CNTN4: variants seen among roughly 807,000 people sequenced by gnomAD.
CNTN4 encodes contactin 4.
In CNTN4, 77 loss-of-function variants were observed where a neutral mutation model predicts 122.5. The ratio of observed to expected loss-of-function variants is 0.63; its 90% confidence interval spans 0.52 to 0.76. The LOEUF (loss-of-function observed/expected upper bound fraction) is 0.76, where lower values mean the gene tolerates loss of function less well. Among genes scored for constraint, CNTN4 ranks in the 30% least tolerant of loss-of-function variants. The pLI is 0.00. For missense variants in CNTN4, 1,256 were observed against 1,259.1 expected (o/e 1.00, Z 0.04); for synonymous variants, 512 against 447.0 (o/e 1.15, Z -1.83).
chr3:2,467,221 A>C (rs542242611), intron 3 of CNTN4, among the ~76,000 whole-genome samples: 1 of 150,486 alleles, frequency 6.6e-6, no homozygotes, highest in Non-Finnish European at 1.5e-5. Flanking sequence ...TGAGATTCCT[A>C]AATTGGTGCA....
chr3:2,183,557 A>T (rs2037115795), intron 2 of CNTN4, among the ~76,000 whole-genome samples: 1 of 152,176 alleles, frequency 6.6e-6, no homozygotes. Flanking sequence ...ATCTATAAGT[A>T]GATTCATTGT....
chr3:2,714,940 C>G (rs537809222), intron 4 of CNTN4, among the ~76,000 whole-genome samples: 12 of 152,248 alleles, frequency 7.9e-5, no homozygotes, highest in African/African-American at 2.4e-4. Context: ...GGGCAACTTG[C>G]TTTGGAAGGC....
At position 2,270,064 on chromosome 3, in the gene CNTN4, C is replaced by G. The variant is rs2041222318; in HGVS notation, c.-144-69114C>G. Among the ~76,000 whole-genome samples, 2 of 94,548 alleles carry G rather than the reference C, an allele frequency of 2.1e-5. 1 individual carries two copies. Among genetic ancestry groups the G allele is most frequent in the African/African-American group, 6.6e-5 (2 of 30,264 alleles). The allele number at this position is 94,548 out of a possible 152,430, so 62.0% of individuals were successfully genotyped here. ...TCCCGGGTTCACGCCATTCTCCTGCCTCAGCCTCCCCAGTAGCTGGGACTA... is the reference window on the plus strand; with the variant it reads ...TCCCGGGTTCACGCCATTCTCCTGCGTCAGCCTCCCCAGTAGCTGGGACTA... On this transcript the variant is annotated intron_variant, in intron 2 of 24. Transcript: ENST00000418658.
intron 2 of CNTN4, among the ~76,000 whole-genome samples, chr3:2,145,649 T>A (rs1227084082): frequency 6.6e-6 from 1 of 152,250 alleles, no homozygotes; most frequent in Non-Finnish European, 1.5e-5. Context: ...TTATGAAATT[T>A]ACTGGCAGTG....
At chr3:2,860,605 A>G (rs982139393) in intron 7 of CNTN4, among the ~76,000 whole-genome samples, 1 of 152,144 alleles carries the variant, frequency 6.6e-6, no homozygotes, top group South Asian at 2.1e-4. Context: ...TAGAGGTACA[A>G]TATCTCTCCC....
chr3:2,665,018 TAACATCAAAAC>T, intron 4 of CNTN4, among the ~76,000 whole-genome samples: 1 of 152,186 alleles, frequency 6.6e-6, no homozygotes. Context: ...TTCTTCACTC[TAACATCAAAAC>T]AAGGGCTCTC....
chr3:2,837,062 T>G (rs975667987), intron 7 of CNTN4, among the ~76,000 whole-genome samples: 2 of 152,208 alleles, frequency 1.3e-5, no homozygotes, highest in African/African-American at 2.4e-5. Flanking sequence ...TCTACTTTTG[T>G]TATTTGTAAT....
chr3:2,719,328 C>A (rs1474132398), intron 4 of CNTN4, among the ~76,000 whole-genome samples: 1 of 149,878 alleles, frequency 6.7e-6, no homozygotes, highest in African/African-American at 2.5e-5. Flanking sequence ...CAGAGTCTCA[C>A]TCTGTCGCCC....
intron 2 of CNTN4, among the ~76,000 whole-genome samples, chr3:2,330,608 A>G (rs1428858216): frequency 3.1e-5 from 1 of 32,318 alleles, no homozygotes; most frequent in African/African-American, 5.0e-5. Flanking sequence ...TTAATTTTAT[A>G]AGGGAGGCAT....
chr3:2,463,229 T>A (rs181753611), intron 3 of CNTN4, among the ~76,000 whole-genome samples: 3 of 152,190 alleles, frequency 2.0e-5, no homozygotes, highest in African/African-American at 7.2e-5. Context: ...ACACTTGACT[T>A]TAAGACTACT....
At chr3:2,103,181 C>CTT (rs200002968) in intron 2 of CNTN4, among the ~76,000 whole-genome samples, 50 of 141,162 alleles carry the variant, frequency 3.5e-4, no homozygotes, top group Admixed American at 1.2e-3. Flanking sequence ...TTTTTAACAG[C>CTT]TTTTTTTTTT....
chr3:2,099,424 G>C (rs899273011), intron 1 of CNTN4: 1 of 152,534 alleles, frequency 6.6e-6, no homozygotes, highest in African/African-American at 2.4e-5. Context: ...CCGGGTTCCC[G>C]GCGGGGCTTT....
At chr3:2,161,157 C>T in intron 2 of CNTN4, among the ~76,000 whole-genome samples, 1 of 151,732 alleles carries the variant, frequency 6.6e-6, no homozygotes, top group East Asian at 1.9e-4. Context: ...GTACAGGAAG[C>T]AGAAGTCATT....
chr3:2,260,343 C>A (rs2040780433), intron 2 of CNTN4, among the ~76,000 whole-genome samples: 1 of 151,776 alleles, frequency 6.6e-6, no homozygotes, highest in African/African-American at 2.4e-5. Context: ...CAGGCATTAT[C>A]ATTTTTTTTT....
At chr3:2,601,458 A>T (rs570608632) in intron 4 of CNTN4, among the ~76,000 whole-genome samples, 5 of 152,166 alleles carry the variant, frequency 3.3e-5, no homozygotes, top group African/African-American at 1.2e-4. Flanking sequence ...TAAATAGGGA[A>T]TCCTTTCCTC....
intron 2 of CNTN4, among the ~76,000 whole-genome samples, chr3:2,138,013 G>A (rs1032545124): frequency 6.6e-6 from 1 of 152,014 alleles, no homozygotes; most frequent in Non-Finnish European, 1.5e-5. Flanking sequence ...GTAAGTAGTC[G>A]GCTCTTTCAG....
chr3:2,130,199 G>A (rs1321177417), intron 2 of CNTN4, among the ~76,000 whole-genome samples: 6 of 152,034 alleles, frequency 3.9e-5, no homozygotes, highest in Non-Finnish European at 2.9e-5. Context: ...ATTTTAAAAA[G>A]GGAGTCTCAG....
intron 3 of CNTN4, among the ~76,000 whole-genome samples, chr3:2,569,511 G>A (rs998157534): frequency 6.6e-6 from 1 of 152,028 alleles, no homozygotes; most frequent in Non-Finnish European, 1.5e-5. Flanking sequence ...ATTATTATTT[G>A]TCAATTTAAA....
chr3:2,143,569 A>G (rs1328221092), intron 2 of CNTN4, among the ~76,000 whole-genome samples: 1 of 152,208 alleles, frequency 6.6e-6, no homozygotes, highest in Non-Finnish European at 1.5e-5. Flanking sequence ...TAGATCATCA[A>G]TGTCTAAATT....
Sources: gnomAD v4.1 joint callset for allele counts (sites outside exome capture counted in the v4.1 genomes callset) on GRCh38, gnomAD v4.1.1 for gene constraint, MANE v1.5 for transcripts, NCBI Gene and HGNC (gene_info 2026-07-23, HGNC 2026-07-21) for gene names.